IL13RA1: variants seen among roughly 807,000 people sequenced by gnomAD.
The protein encoded by IL13RA1 is interleukin 13 receptor subunit alpha 1.
Under a neutral mutation model 33.8 loss-of-function variants are expected in IL13RA1, and 14 were observed. That is an observed-to-expected ratio of 0.41 (90% confidence interval 0.27 to 0.65). The LOEUF (loss-of-function observed/expected upper bound fraction) is 0.65. IL13RA1 is among the 30% of genes least tolerant of loss of function. The pLI is 0.28. For missense variants in IL13RA1, 313 were observed against 327.0 expected, an observed-to-expected ratio of 0.96 and a Z score of 0.33; for synonymous variants, 116 against 115.7, an observed-to-expected ratio of 1.00 and a Z score of -0.02.
chrX:118,774,639 C>G (rs1360923714), intron 9 of IL13RA1, among the ~76,000 whole-genome samples: 1 of 112,252 alleles, frequency 8.9e-6, no homozygotes, highest in African/African-American at 3.2e-5. Context: ...GAGACCTTTA[C>G]TAATAAAATG....
At chrX:118,797,811 G>A (rs1256151823), downstream of IL13RA1, among the ~76,000 whole-genome samples, 1 of 111,518 alleles carries the variant, frequency 9.0e-6, no homozygotes, top group Non-Finnish European at 1.9e-5. Flanking sequence ...GGGCCATGTA[G>A]GAAGTGTGAG....
chrX:118,727,970 C>T (rs1011783840), intron 1 of IL13RA1, among the ~76,000 whole-genome samples: 2 of 111,378 alleles, frequency 1.8e-5, no homozygotes, highest in Non-Finnish European at 3.8e-5. Flanking sequence ...ACTCCGGGTG[C>T]GGCGGAGGTG....
intron 2 of IL13RA1, 111 bp downstream of exon 2, chrX:118,741,267 G>T: frequency 3.8e-6 from 2 of 526,317 alleles, no homozygotes; most frequent in Non-Finnish European, 6.3e-6. Context: ...GTATTTTAGG[G>T]TGTGTTTAAA....
At chrX:118,802,158 G>C in the IL13RA1 span, among the ~76,000 whole-genome samples, 3 of 111,238 alleles carry the variant, frequency 2.7e-5, no homozygotes, top group Non-Finnish European at 3.8e-5. Context: ...CCCCAAATAA[G>C]GCTGGCCAGT....
chrX:118,791,911 C>T lies in IL13RA1; in HGVS notation c.*57C>T, dbSNP rs2017979420. On this transcript the variant is annotated 3_prime_UTR_variant, in exon 11 of 11. Coordinates refer to ENST00000371666, the MANE Select transcript of IL13RA1 (RefSeq NM_001560.3). ...CCTTGAGAAGATTCTTCCCATTCTC[C>T]ATTTGTTATCTGGGAACTTATTAAA... The T allele has an allele frequency of 1.1e-5, 6 of 561,206 alleles. No individual in the cohort carries two copies. The highest frequency in any genetic ancestry group is 1.8e-5 in the Non-Finnish European group (6 of 330,938). The allele number at this position is 561,206 out of a possible 1,213,427, so 46.2% of individuals were successfully genotyped here. A position where few individuals can be genotyped will look rare whatever the true frequency, so the allele number is the denominator to read the frequency against.
intron 8 of IL13RA1, among the ~76,000 whole-genome samples, chrX:118,771,972 C>CA (rs1215887683): frequency 9.0e-6 from 1 of 110,880 alleles, no homozygotes; most frequent in Admixed American, 9.6e-5. Context: ...GACTCTGTCT[C>CA]AAAAAAATTA....
At chrX:118,774,089 T>G in intron 9 of IL13RA1, 114 bp downstream of exon 9, 1 of 449,906 alleles carries the variant, frequency 2.2e-6, no homozygotes, top group Non-Finnish European at 3.9e-6. Context: ...ATGTTGCCTG[T>G]AAGTGGCTTT....
At chrX:118,767,519 C>T (rs146768864) in intron 8 of IL13RA1, among the ~76,000 whole-genome samples, 1,143 of 109,395 alleles carry the variant, frequency 0.01, 15 homozygotes, top group Middle Eastern at 0.028. Context: ...CCAGCCTGGG[C>T]GACAGAGTGA....
intron 5 of IL13RA1, among the ~76,000 whole-genome samples, 167 bp from the exon 6 acceptor site, chrX:118,760,971 A>G (rs891398073): frequency 1.4e-4 from 16 of 112,807 alleles, no homozygotes; most frequent in Non-Finnish European, 2.8e-4. Context: ...ATGAGAAGAA[A>G]AAACTCTGTA....
intron 2 of IL13RA1, among the ~76,000 whole-genome samples, chrX:118,745,553 G>A (rs2017394563): frequency 8.9e-6 from 1 of 112,057 alleles, no homozygotes; most frequent in Non-Finnish European, 1.9e-5. Context: ...TGACTTGGTA[G>A]TTACTTCTCA....
chrX:118,761,849 G>A (rs1015283319), intron 6 of IL13RA1, among the ~76,000 whole-genome samples: 8 of 111,465 alleles, frequency 7.2e-5, no homozygotes, highest in African/African-American at 2.3e-4. Flanking sequence ...GGTGTAGGGG[G>A]TCAGCAGATA....
At chrX:118,740,920 G>A (rs1022460281) in intron 1 of IL13RA1, 97 bp from the exon 2 acceptor site, 2 of 612,523 alleles carry the variant, frequency 3.3e-6, no homozygotes, top group African/African-American at 4.4e-5. Flanking sequence ...TGTTAACTCA[G>A]TTATTACTGT....
At chrX:118,781,779 C>T (rs1447556179) in intron 10 of IL13RA1, among the ~76,000 whole-genome samples, 2 of 112,312 alleles carry the variant, frequency 1.8e-5, no homozygotes, top group Non-Finnish European at 3.8e-5. Flanking sequence ...TTCCAACTGC[C>T]CAAATTGTCA....
At chrX:118,753,051 A>G (rs1014723339) in intron 4 of IL13RA1, among the ~76,000 whole-genome samples, 2 of 111,767 alleles carry the variant, frequency 1.8e-5, no homozygotes, top group Non-Finnish European at 3.8e-5. Flanking sequence ...AACCGCAGGG[A>G]AAACCTTTAA....
At chrX:118,754,662 T>G (rs1344735105) in intron 4 of IL13RA1, among the ~76,000 whole-genome samples, 1 of 101,238 alleles carries the variant, frequency 9.9e-6, no homozygotes, top group African/African-American at 4.5e-5. Flanking sequence ...TTTATTATTA[T>G]TATTATTGTT....
chrX:118,802,486 T>TA, the IL13RA1 span, among the ~76,000 whole-genome samples: 1 of 111,644 alleles, frequency 9.0e-6, no homozygotes, highest in African/African-American at 3.3e-5. Context: ...CAACAGATAT[T>TA]TATTGAGTGT....
At chrX:118,782,412 C>T (rs1197907394) in intron 10 of IL13RA1, among the ~76,000 whole-genome samples, 1 of 110,960 alleles carries the variant, frequency 9.0e-6, no homozygotes, top group Non-Finnish European at 1.9e-5. Flanking sequence ...ATCTATAAAG[C>T]GCTGCTTTCA....
downstream of IL13RA1, among the ~76,000 whole-genome samples, chrX:118,795,211 C>CAA (rs1222782237): frequency 4.8e-4 from 13 of 26,909 alleles, no homozygotes; most frequent in Admixed American, 1.8e-3. Flanking sequence ...GACTCCGTCT[C>CAA]AAAAAAAAAA....
Position 118,784,922 on chromosome X carries a change from AT to A in IL13RA1, c.1192-6833del, listed in dbSNP as rs373403860. On this transcript the variant is annotated intron_variant, in intron 10 of 10. Coordinates refer to ENST00000371666, the MANE Select transcript of IL13RA1 (RefSeq NM_001560.3). ...GGTCTTTTTGGCTGGTTGTCAAATG[AT>A]TTTTTTCTTCAAAGTCCAATAATTT... is the stretch of plus-strand genomic sequence containing the variant. Among the ~76,000 whole-genome samples the A allele has an allele frequency of 1.1e-3, 121 of 110,432 alleles. 1 individual carries two copies. Among genetic ancestry groups the A allele is most frequent in the African/African-American group, 4.0e-3 (121 of 30,351 alleles).
Sources: allele counts gnomAD v4.1 joint callset (sites outside exome capture counted in the v4.1 genomes callset), GRCh38; gene constraint gnomAD v4.1.1; transcripts MANE v1.5; gene names NCBI Gene and HGNC (gene_info 2026-07-23, HGNC 2026-07-21).